The following NOS1 variants were observed in gnomAD, a reference collection of about 807,000 sequenced individuals.
NOS1 encodes nitric oxide synthase 1.
Under a neutral mutation model 164.5 loss-of-function variants are expected in NOS1, and 51 were observed. That is an observed-to-expected ratio of 0.31 (90% CI 0.25 to 0.39). NOS1 has a LOEUF of 0.39. Among genes scored for constraint, NOS1 ranks in the 10% least tolerant of loss-of-function variants. NOS1 has a pLI of 1.00. For missense variants in NOS1, 1,362 were observed against 1,885.6 expected (o/e 0.72, Z 5.14); for synonymous variants, 719 against 745.8 (o/e 0.96, Z 0.59).
At position 117,358,665 on chromosome 12, in the gene NOS1, T is replaced by C. The variant is rs542007383; in HGVS notation, c.-421+2847A>G. Among the ~76,000 whole-genome samples the C allele has an allele frequency of 2.0e-5, 3 of 152,236 alleles. No individual in the cohort carries two copies. In the South Asian group the frequency reaches 6.2e-4, roughly 32 times the overall value. ...ATAACAGAACTGAAGCTCAGAAAGG[T>C]TAAGTGATCAACCTGAGGTCACACA... On this transcript the variant is annotated intron_variant, in intron 1 of 28. Coordinates refer to ENST00000317775, the MANE Select transcript of NOS1 (RefSeq NM_000620.5).
intron 1 of NOS1, among the ~76,000 whole-genome samples, chr12:117,354,643 A>G (rs1230434746): frequency 6.6e-6 from 1 of 152,172 alleles, no homozygotes; most frequent in Non-Finnish European, 1.5e-5. Context: ...ATAGAGCCCA[A>G]TGTGATCCAT....
intron 2 of NOS1, among the ~76,000 whole-genome samples, chr12:117,322,133 CCT>C (rs1176619830): frequency 6.8e-4 from 89 of 130,266 alleles, no homozygotes; most frequent in Non-Finnish European, 1.9e-4. Flanking sequence ...TCCTTCCTTC[CCT>C]CTCTTTTTCC....
intron 7 of NOS1, among the ~76,000 whole-genome samples, chr12:117,281,842 A>AG (rs1873701033): frequency 1.3e-5 from 2 of 151,352 alleles, no homozygotes; most frequent in South Asian, 4.2e-4. Flanking sequence ...AAAAAGAAAA[A>AG]AAAAAAAAAA....
intron 20 of NOS1, among the ~76,000 whole-genome samples, chr12:117,242,283 A>C (rs1419915766): frequency 6.6e-6 from 1 of 152,208 alleles, no homozygotes; most frequent in African/African-American, 2.4e-5. Context: ...AATTATCCAC[A>C]ATAGGAAATA....
At position 117,356,195 on chromosome 12, in the gene NOS1, G is replaced by A. The variant is rs35097914; in HGVS notation, c.-421+5317C>T. ...TACTTATAATCTCTGCTGTATGAAT[G>A]ACATGCTGGAGAGTCAGAGATGTTA... On this transcript the variant is annotated intron_variant, in intron 1 of 28. Transcript: ENST00000317775. This position sits in a 1 kb window ranked among gnomAD's most constrained non-coding sequence, Gnocchi z 4.2. 0.056 allele frequency among the ~76,000 whole-genome samples: 8,531 copies of A among 152,278 alleles called. 286 individuals carry two copies. Among genetic ancestry groups the A allele is most frequent in the East Asian group, 0.1 (543 of 5,188 alleles).
chr12:117,290,889 C>T (rs764899713), intron 3 of NOS1, among the ~76,000 whole-genome samples: 5 of 151,966 alleles, frequency 3.3e-5, no homozygotes, highest in African/African-American at 9.7e-5. Flanking sequence ...CCATTTCTGG[C>T]GAGTACTGAG....
chr12:117,247,903 G>A (rs1178814203), intron 17 of NOS1, among the ~76,000 whole-genome samples: 5 of 147,784 alleles, frequency 3.4e-5, no homozygotes, highest in East Asian at 2.0e-4. Context: ...CCAAGATAGC[G>A]CCACTGCACT....
At chr12:117,287,891 C>G (rs1184648514) in intron 5 of NOS1, among the ~76,000 whole-genome samples, 183 bp downstream of exon 5, 1 of 152,116 alleles carries the variant, frequency 6.6e-6, no homozygotes, top group Admixed American at 6.5e-5. Context: ...TATAAGCAAC[C>G]CTTTGCAGGT....
rs546709032 is a variant in NOS1, at chr12:117,212,149, T to C, written c.*3160A>G. ...AAACTGCCCGGTGCCTTCCACACAC[T>C]GGAGAAGCAAGACATGTTATAAGTT... On this transcript the variant is annotated 3_prime_UTR_variant, in exon 29 of 29. Transcript: ENST00000317775. 22 of 985,344 alleles carry C rather than the reference T, an allele frequency of 2.2e-5. No individual in the cohort carries two copies. Among genetic ancestry groups the C allele is most frequent in the Non-Finnish European group, 2.7e-5 (22 of 829,908 alleles). 61.0% of individuals were successfully genotyped at this position (985,344 alleles called of 1,614,324 possible).
chr12:117,213,417 G>T lies in NOS1; in HGVS notation c.*1892C>A, dbSNP rs1283256062. On this transcript the variant is annotated 3_prime_UTR_variant, in exon 29 of 29. Coordinates refer to ENST00000317775, the MANE Select transcript of NOS1 (RefSeq NM_000620.5). ...TTATATCTGTGGAAGAGTGAGCAGG[G>T]GAAATTGGGATTAAAGGAAGGCAGG... 2.0e-6 allele frequency: 2 copies of T among 985,380 alleles called. No individual in the cohort carries two copies. Among genetic ancestry groups the T allele is most frequent in the Non-Finnish European group, 2.4e-6 (2 of 830,000 alleles). 61.0% of individuals were successfully genotyped at this position (985,380 alleles called of 1,614,324 possible). A position where few individuals can be genotyped will look rare whatever the true frequency, so the allele number is the denominator to read the frequency against.
At chr12:117,255,859 T>A in intron 16 of NOS1, 1 of 826,688 alleles carries the variant, frequency 1.2e-6, no homozygotes, top group East Asian at 3.0e-5. Flanking sequence ...CCTAGATGTG[T>A]GGCCTGGGAT....
intron 16 of NOS1, among the ~76,000 whole-genome samples, 162 bp from the exon 17 acceptor site, chr12:117,253,916 T>G (rs1165918441): frequency 3.9e-5 from 6 of 152,106 alleles, no homozygotes; most frequent in African/African-American, 1.4e-4. Context: ...ATCTACCAAC[T>G]TACCCTTGTC....
intron 1 of NOS1, among the ~76,000 whole-genome samples, chr12:117,347,335 A>T (rs1418014789): frequency 6.6e-6 from 1 of 151,754 alleles, no homozygotes; most frequent in African/African-American, 2.4e-5. Flanking sequence ...CAAACAAAAA[A>T]CTGGAGGTTT....
chr12:117,258,137 C>T (rs1240774629), intron 16 of NOS1, among the ~76,000 whole-genome samples: 1 of 152,134 alleles, frequency 6.6e-6, no homozygotes, highest in East Asian at 1.9e-4. Context: ...TGATTTGATT[C>T]TTACTAATTA....
chr12:117,280,712 G>T lies in NOS1; in HGVS notation c.1524+13C>A. Reference sequence around the variant, plus strand: ...CCATGTTGGGGCAGGGTAGGGGGCGGAAACGCTCGCACCTCTGTGAACTGC... The same window carrying T: ...CCATGTTGGGGCAGGGTAGGGGGCGTAAACGCTCGCACCTCTGTGAACTGC... On this transcript the variant is annotated intron_variant, in intron 8 of 28. Coordinates refer to ENST00000317775, the MANE Select transcript of NOS1 (RefSeq NM_000620.5). The T allele has an allele frequency of 6.2e-7, 1 of 1,610,746 alleles. No homozygotes were observed. The highest frequency in any genetic ancestry group is 8.5e-7 in the Non-Finnish European group (1 of 1,177,610).
intron 3 of NOS1, among the ~76,000 whole-genome samples, chr12:117,308,214 C>A (rs981051320): frequency 1.3e-5 from 2 of 151,106 alleles, no homozygotes; most frequent in Admixed American, 6.6e-5. Flanking sequence ...GATTGTTGCC[C>A]CATAAGAATA....
At position 117,243,664 on chromosome 12, in the gene NOS1, C is replaced by T. The variant is rs760117155; in HGVS notation, c.2824-229G>A. On this transcript the variant is annotated intron_variant, in intron 18 of 28. Coordinates refer to ENST00000317775, the MANE Select transcript of NOS1 (RefSeq NM_000620.5). This position sits in a 1 kb window ranked among gnomAD's most constrained non-coding sequence, Gnocchi z 4.3. ...TACCCTTTCGTTGTCTTCCTTCCAT[C>T]CATTCACCCATCCACTCATCTACTC... 1.1e-4 allele frequency among the ~76,000 whole-genome samples: 17 copies of T among 151,474 alleles called. No individual in the cohort carries two copies. The highest frequency in any genetic ancestry group is 2.2e-4 in the Non-Finnish European group (15 of 67,866).
At chr12:117,283,725 G>A (rs1386499778) in intron 7 of NOS1, among the ~76,000 whole-genome samples, 1 of 152,058 alleles carries the variant, frequency 6.6e-6, no homozygotes, top group Non-Finnish European at 1.5e-5. Flanking sequence ...GCATGGTGGT[G>A]TGTACCTGTA....
Position 117,226,774 on chromosome 12 carries a change from G to C in NOS1, c.3617-4C>G, listed in dbSNP as rs781356112. On this transcript the variant is annotated splice_region_variant and splice_polypyrimidine_tract_variant and intron_variant, in intron 23 of 28. Transcript: ENST00000317775. ...TGGTGAATTGGTCCTTCTCCATCTA[G>C]TAGAATAACCAAGGCAGTCAGGGCC... 6.2e-7 allele frequency: 1 copy of C among 1,613,010 alleles called. No homozygotes were observed. The highest frequency in any genetic ancestry group is 2.2e-5 in the East Asian group (1 of 44,860).
Sources: allele counts gnomAD v4.1 joint callset (sites outside exome capture counted in the v4.1 genomes callset), GRCh38; gene constraint gnomAD v4.1.1; non-coding constraint Gnocchi (gnomAD v3.1); transcripts MANE v1.5; gene names NCBI Gene and HGNC (gene_info 2026-07-23, HGNC 2026-07-21).